Variants in ALDH7A1 observed in about 807,000 individuals in gnomAD.
The protein encoded by ALDH7A1 is alpha-aminoadipic semialdehyde dehydrogenase.
Under a neutral mutation model 79.9 loss-of-function variants are expected in ALDH7A1, and 63 were observed. The observed-to-expected ratio is 0.79, with a 90% CI of 0.64 to 0.97. The LOEUF (loss-of-function observed/expected upper bound fraction) is 0.97, where lower values mean the gene tolerates loss of function less well. Ranked by LOEUF, ALDH7A1 falls within the 50% of genes least tolerant of loss-of-function variation. The pLI is 0.00. For synonymous variants in ALDH7A1, 240 were observed against 231.2 expected (o/e 1.04, Z -0.34); for missense variants, 627 against 665.2 (o/e 0.94, Z 0.63).
chr5:126,553,780 C>T (rs1384870146), intron 13 of ALDH7A1, among the ~76,000 whole-genome samples: 2 of 152,034 alleles, frequency 1.3e-5, no homozygotes, highest in Non-Finnish European at 2.9e-5. Flanking sequence ...CACCACTGCA[C>T]TCCAGCCTAG....
At chr5:126,591,722 CT>C (rs1751558844) in intron 3 of ALDH7A1, among the ~76,000 whole-genome samples, 1 of 152,058 alleles carries the variant, frequency 6.6e-6, no homozygotes, top group African/African-American at 2.4e-5. Flanking sequence ...CCTAGTTCGC[CT>C]TTACTCTCCC....
At chr5:126,564,270 C>G (rs1172455253) in intron 9 of ALDH7A1, 2 of 224,632 alleles carry the variant, frequency 8.9e-6, no homozygotes, top group African/African-American at 2.3e-5. Flanking sequence ...ATTCTCTTGC[C>G]TCAGCCTCCC....
chr5:126,569,556 G>A (rs1421044940), intron 8 of ALDH7A1: 1 of 152,180 alleles, frequency 6.6e-6, no homozygotes, highest in Non-Finnish European at 1.5e-5. Context: ...AGTCTTCCAA[G>A]GTTCAACTCA....
rs1007418987 is a variant in ALDH7A1, at chr5:126,542,147, A to AG, written c.*2817_*2818insC. The stretch of plus-strand genomic sequence containing the variant: ...TCTGCAGGATAAGCTCCAGGTGTAG[A>AG]AAAAAAAAAAAAAAAAAAAGTTTGT... On this transcript the variant is annotated 3_prime_UTR_variant, in exon 18 of 18. Transcript: ENST00000409134. 1 of 48,330 alleles carries AG rather than the reference A, an allele frequency of 2.1e-5. No individual in the cohort carries two copies. Among genetic ancestry groups the AG allele is most frequent in the South Asian group, 5.8e-4 (1 of 1,734 alleles). 3.0% of individuals were successfully genotyped at this position (48,330 alleles called of 1,614,324 possible). A position where few individuals can be genotyped will look rare whatever the true frequency, so the allele number is the denominator to read the frequency against.
intron 3 of ALDH7A1, chr5:126,584,421 G>T: frequency 4.4e-6 from 1 of 226,796 alleles, no homozygotes; most frequent in Non-Finnish European, 8.7e-6. Flanking sequence ...CAACACTTTG[G>T]GAGGCTGAGG....
At chr5:126,545,059 A>G (rs191096099) in intron 17 of ALDH7A1, 40 bp from the exon 18 acceptor site, 295 of 1,441,300 alleles carry the variant, frequency 2.0e-4, no homozygotes, top group East Asian at 1.1e-3. Context: ...CAGTACATAC[A>G]TAACAGAAGA....
At chr5:126,581,983 A>G (rs1751192274) in intron 5 of ALDH7A1, 2 of 388,478 alleles carry the variant, frequency 5.1e-6, no homozygotes, top group South Asian at 2.8e-4. Flanking sequence ...ATCTCAAAAA[A>G]AAAAAAATGT....
rs1750114459 is a variant in ALDH7A1 at position 126,554,530 on chromosome 5, T to C, written c.1094-137A>G. On this transcript the variant is annotated intron_variant, in intron 12 of 17. Transcript: ENST00000409134. ...TGAGAACATAAGTCAGCATCCTTTT[T>C]CCATAAAGAACCAGATGGTAAATAT... 31 of 738,096 alleles carry C rather than the reference T, an allele frequency of 4.2e-5. No homozygotes were observed. In the South Asian group the frequency reaches 4.5e-4, roughly 11 times the overall value. The allele number at this position is 738,096 out of a possible 1,614,324, so 45.7% of individuals were successfully genotyped here.
intron 10 of ALDH7A1, among the ~76,000 whole-genome samples, chr5:126,560,464 C>T (rs62391522): frequency 0.2 from 30,932 of 151,884 alleles, 3,387 homozygotes; most frequent in African/African-American, 0.24. Context: ...GAGTAAGACT[C>T]CCGTCTCAAA....
At chr5:126,590,800 T>A (rs1453175437) in intron 3 of ALDH7A1, among the ~76,000 whole-genome samples, 1 of 149,262 alleles carries the variant, frequency 6.7e-6, no homozygotes, top group African/African-American at 2.5e-5. Flanking sequence ...GATGGGAGGA[T>A]CCCAGGCCCA....
chr5:126,571,962 T>C (rs749518775), intron 7 of ALDH7A1, among the ~76,000 whole-genome samples: 35 of 152,148 alleles, frequency 2.3e-4, no homozygotes, highest in Non-Finnish European at 4.7e-4. Flanking sequence ...GGCTAAAGAA[T>C]TGCAGACAAG....
At chr5:126,577,031 G>A in intron 6 of ALDH7A1, 48 bp downstream of exon 6, 1 of 1,612,014 alleles carries the variant, frequency 6.2e-7, no homozygotes, top group Non-Finnish European at 8.5e-7. Context: ...ATCTAGAAAT[G>A]GCTATTTTTA....
rs908023912 is a variant in ALDH7A1 at position 126,570,850 on chromosome 5, G to A, written c.705C>T (p.Ala235=). The A allele has an allele frequency of 9.9e-6, 16 of 1,613,736 alleles. No individual in the cohort carries two copies. Among genetic ancestry groups the A allele is most frequent in the Non-Finnish European group, 1.3e-5 (15 of 1,179,810 alleles). ...LISVAVTKII[A]KVLEDNKLPG... ...GCAGCTTGTTGTCCTCCAGAACCTT[G>A]GCTATTATCCTAGAAAGGAAAAAGC... The change falls in exon 8 of 18, where the codon GCC becomes GCT. Residue 235 remains alanine (A), a synonymous_variant. Coordinates refer to ENST00000409134, the MANE Select transcript of ALDH7A1 (RefSeq NM_001182.5).
At chr5:126,565,444 C>T (rs1750549242) in intron 9 of ALDH7A1, among the ~76,000 whole-genome samples, 1 of 148,824 alleles carries the variant, frequency 6.7e-6, no homozygotes, top group Admixed American at 6.7e-5. Context: ...AAATCCAATG[C>T]CCATTTTTAA....
At chr5:126,583,412 G>C (rs1476222890) in intron 4 of ALDH7A1, among the ~76,000 whole-genome samples, 4 of 151,404 alleles carry the variant, frequency 2.6e-5, no homozygotes, top group Non-Finnish European at 5.9e-5. Context: ...ACCCAGGAGG[G>C]GGAGGTTGCA....
intron 8 of ALDH7A1, chr5:126,570,577 C>A: frequency 1.7e-6 from 1 of 585,036 alleles, no homozygotes; most frequent in South Asian, 1.9e-5. Flanking sequence ...TACCTCTGGG[C>A]AATTAAAAAG....
chr5:126,561,185 C>G, intron 9 of ALDH7A1, 61 bp from the exon 10 acceptor site: 1 of 1,300,442 alleles, frequency 7.7e-7, no homozygotes, highest in South Asian at 1.3e-5. Flanking sequence ...CTGCACACTG[C>G]TACACAGCCT....
At chr5:126,583,102 C>G in intron 4 of ALDH7A1, 128 bp from the exon 5 acceptor site, 1 of 1,209,926 alleles carries the variant, frequency 8.3e-7, no homozygotes, top group African/African-American at 1.5e-5. Context: ...GTTTCATTTT[C>G]CAAAGAATTT....
At chr5:126,554,608 T>A (rs74506530) in intron 12 of ALDH7A1, 2 of 574,650 alleles carry the variant, frequency 3.5e-6, no homozygotes, top group African/African-American at 3.7e-5. Flanking sequence ...AACTCCGTAA[T>A]TGTAGTGCAA....
Sources: gnomAD v4.1 joint callset for allele counts (sites outside exome capture counted in the v4.1 genomes callset) on GRCh38, gnomAD v4.1.1 for gene constraint, MANE v1.5 for transcripts, NCBI Gene and HGNC (gene_info 2026-07-23, HGNC 2026-07-21) for gene names.